The following NBAS variants were observed in gnomAD, a reference collection of about 807,000 sequenced individuals.
NBAS encodes NAG/BC035112 fusion.
A neutral mutation model predicts 302.5 loss-of-function variants in NBAS; 219 were observed. That is an observed-to-expected ratio of 0.72 (90% CI 0.65 to 0.81). The LOEUF is 0.81. Among genes scored for constraint, NBAS ranks in the 30% least tolerant of loss-of-function variants. The pLI is 0.00. For missense variants in NBAS, 2,932 were observed against 2,841.6 expected (o/e 1.03, Z -0.72); for synonymous variants, 1,118 against 1,021.6 (o/e 1.09, Z -1.80).
the NBAS span, among the ~76,000 whole-genome samples, chr2:15,111,894 ATAT>A: frequency 2.0e-5 from 3 of 147,706 alleles, no homozygotes; most frequent in Non-Finnish European, 4.5e-5. Flanking sequence ...TATTAATTAA[ATAT>A]TATATATTAT....
chr2:15,165,103 G>T (rs1454641911), downstream of NBAS, among the ~76,000 whole-genome samples: 1 of 152,212 alleles, frequency 6.6e-6, no homozygotes, highest in African/African-American at 2.4e-5. Flanking sequence ...TGAAGAAAAA[G>T]GTCTCAGGAG....
At chr2:15,283,902 G>A (rs776853174) in intron 42 of NBAS, among the ~76,000 whole-genome samples, 1 of 152,128 alleles carries the variant, frequency 6.6e-6, no homozygotes, top group Admixed American at 6.5e-5. Context: ...AGGTAATCTG[G>A]TAGTTACTAT....
intron 38 of NBAS, among the ~76,000 whole-genome samples, chr2:15,322,229 G>C (rs907871419): frequency 1.5e-5 from 2 of 133,502 alleles, no homozygotes; most frequent in Non-Finnish European, 3.1e-5. Flanking sequence ...CACACATCAG[G>C]ACCTGTCAGG....
At chr2:14,971,484 C>T in the NBAS span, among the ~76,000 whole-genome samples, 1 of 152,084 alleles carries the variant, frequency 6.6e-6, no homozygotes. Context: ...CACTGCACTC[C>T]AGCCTGGGCG....
In NBAS at chr2:15,356,399, T is replaced by C. The variant is rs764469056; in HGVS notation, c.3835A>G (p.Arg1279Gly). 5 of 1,613,820 alleles carry C rather than the reference T, an allele frequency of 3.1e-6. No homozygotes were observed. In the South Asian group the frequency reaches 5.5e-5, roughly 18 times the overall value. The change falls in exon 33 of 52, where the codon AGG becomes GGG. Residue 1279 changes from arginine to glycine, a missense_variant. Transcript: ENST00000281513. ...LRVAGENPEERRGQVLILLVE... is the reference protein window; with the variant it reads ...LRVAGENPEEGRGQVLILLVE... Reference sequence around the variant, plus strand: ...AAAAGGATTAGAACCTGTCCCCGCCTTTCTTCTGGGTTCTCACCTGTAAGT... The same window carrying C: ...AAAAGGATTAGAACCTGTCCCCGCCCTTCTTCTGGGTTCTCACCTGTAAGT...
chr2:15,352,479 T>C (rs1467509776), intron 34 of NBAS, among the ~76,000 whole-genome samples: 6 of 152,216 alleles, frequency 3.9e-5, no homozygotes, highest in Admixed American at 6.5e-5. Context: ...GGAAGGAAGA[T>C]ACACCTGGAA....
chr2:14,783,457 C>G, the NBAS span, among the ~76,000 whole-genome samples: 1 of 138,710 alleles, frequency 7.2e-6, no homozygotes, highest in Non-Finnish European at 1.6e-5. Flanking sequence ...TCTCCTAATG[C>G]TATCCCTCCC....
chr2:15,457,213 C>T (rs1679287600), intron 21 of NBAS, among the ~76,000 whole-genome samples: 1 of 152,246 alleles, frequency 6.6e-6, no homozygotes. Context: ...GAGCCATACA[C>T]TTAAGAGTCT....
chr2:15,553,883 C>T (rs1426666496), intron 4 of NBAS, among the ~76,000 whole-genome samples, 178 bp downstream of exon 4: 1 of 120,660 alleles, frequency 8.3e-6, no homozygotes, highest in Non-Finnish European at 1.8e-5. Context: ...TCTCTCTCTC[C>T]CTCTCTCTCT....
chr2:15,509,592 C>A (rs1662043429), intron 10 of NBAS, among the ~76,000 whole-genome samples: 1 of 152,194 alleles, frequency 6.6e-6, no homozygotes, highest in African/African-American at 2.4e-5. Context: ...CAGAGGATTA[C>A]TATTATTGCT....
At chr2:14,818,621 A>G in the NBAS span, among the ~76,000 whole-genome samples, 1 of 152,204 alleles carries the variant, frequency 6.6e-6, no homozygotes, top group African/African-American at 2.4e-5. Flanking sequence ...AGTGAGCAGT[A>G]AATGGTGTTT....
the NBAS span, among the ~76,000 whole-genome samples, chr2:14,873,420 T>C: frequency 6.6e-6 from 1 of 152,208 alleles, no homozygotes. Context: ...TTTTGCCATG[T>C]TGGCCAGGCT....
At chr2:15,139,125 A>T in the NBAS span, among the ~76,000 whole-genome samples, 1 of 152,196 alleles carries the variant, frequency 6.6e-6, no homozygotes, top group Non-Finnish European at 1.5e-5. Context: ...TTTGCCTCTC[A>T]CAGGGAGGCT....
intron 7 of NBAS, 130 bp downstream of exon 7, chr2:15,539,093 C>A (rs1405413611): frequency 2.4e-5 from 29 of 1,216,892 alleles, no homozygotes; most frequent in East Asian, 2.0e-4. Context: ...AGATTCTGGG[C>A]GTCTTAAGTC....
At chr2:15,439,152 A>C (rs1380715608) in intron 21 of NBAS, among the ~76,000 whole-genome samples, 1 of 151,888 alleles carries the variant, frequency 6.6e-6, no homozygotes, top group Non-Finnish European at 1.5e-5. Flanking sequence ...ACACAAAAAA[A>C]ATTAGCCGGG....
chr2:15,476,381 G>A (rs1021456201), intron 13 of NBAS, among the ~76,000 whole-genome samples: 7 of 151,778 alleles, frequency 4.6e-5, no homozygotes, highest in African/African-American at 1.7e-4. Flanking sequence ...TAACTAATCA[G>A]AGAGGGAAAA....
At chr2:15,484,238 C>T (rs575326014) in intron 12 of NBAS, among the ~76,000 whole-genome samples, 3 of 152,248 alleles carry the variant, frequency 2.0e-5, no homozygotes, top group South Asian at 2.1e-4. Context: ...GATATATCTC[C>T]CTTGCTTACC....
At chr2:14,841,663 T>G in the NBAS span, among the ~76,000 whole-genome samples, 2 of 151,730 alleles carry the variant, frequency 1.3e-5, no homozygotes, top group Non-Finnish European at 3.0e-5. Context: ...CTCAATACAG[T>G]CAACACCAAA....
At chr2:14,811,650 C>A in the NBAS span, among the ~76,000 whole-genome samples, 401 of 151,904 alleles carry the variant, frequency 2.6e-3, no homozygotes, top group African/African-American at 9.0e-3. Context: ...ATCAAGAAAC[C>A]CTTGTTTAAA....
Sources: allele counts gnomAD v4.1 joint callset (sites outside exome capture counted in the v4.1 genomes callset), GRCh38; gene constraint gnomAD v4.1.1; transcripts MANE v1.5; gene names NCBI Gene and HGNC (gene_info 2026-07-23, HGNC 2026-07-21).